The following MYO1E variants were observed in gnomAD, a reference collection of about 807,000 sequenced individuals.
MYO1E encodes the protein unconventional myosin-Ie.
MYO1E carries 68 observed loss-of-function variants against 151.1 expected under a neutral mutation model. The observed-to-expected ratio is 0.45, with a 90% CI of 0.37 to 0.55. The LOEUF (loss-of-function observed/expected upper bound fraction) is 0.55, where lower values mean the gene tolerates loss of function less well. MYO1E is among the 20% of genes least tolerant of loss of function. The probability of loss-of-function intolerance (pLI) is 0.00; values close to 1 mark genes in which losing one functional copy is unlikely to be tolerated. For synonymous variants in MYO1E, 601 were observed against 501.7 expected (o/e 1.20, Z -2.64); for missense variants, 1,363 against 1,389.3 (o/e 0.98, Z 0.30).
chr15:59,296,442 T>C (rs2080448695), intron 1 of MYO1E, among the ~76,000 whole-genome samples: 1 of 152,244 alleles, frequency 6.6e-6, no homozygotes, highest in Admixed American at 6.5e-5. Context: ...TTACTGTTGC[T>C]GAGAAAATTC....
intron 9 of MYO1E, 37 bp downstream of exon 9, chr15:59,223,022 A>G: frequency 6.2e-7 from 1 of 1,612,424 alleles, no homozygotes; most frequent in Non-Finnish European, 8.5e-7. Context: ...AGAGCTAGCC[A>G]CCCCTCATTC....
intron 5 of MYO1E, among the ~76,000 whole-genome samples, chr15:59,234,259 T>C (rs1392129852): frequency 1.3e-5 from 2 of 151,616 alleles, no homozygotes; most frequent in Non-Finnish European, 2.9e-5. Flanking sequence ...CATGGATGGA[T>C]GGGTGCATGG....
At chr15:59,360,654 C>A (rs543221632) in intron 1 of MYO1E, among the ~76,000 whole-genome samples, 7 of 152,202 alleles carry the variant, frequency 4.6e-5, no homozygotes, top group Non-Finnish European at 1.5e-5. Context: ...TTTCCCCCAA[C>A]AAAAGACAGC....
intron 26 of MYO1E, among the ~76,000 whole-genome samples, chr15:59,148,406 A>G (rs879706681): frequency 7.2e-5 from 11 of 152,208 alleles, no homozygotes; most frequent in Non-Finnish European, 1.6e-4. Flanking sequence ...CGGGGGAGCT[A>G]GGATTAAGCT....
At chr15:59,256,659 C>T (rs944728113) in intron 3 of MYO1E, among the ~76,000 whole-genome samples, 5 of 152,120 alleles carry the variant, frequency 3.3e-5, no homozygotes, top group Admixed American at 1.3e-4. Flanking sequence ...GGATGTGCCC[C>T]GTGTCTTTAG....
chr15:59,220,350 G>C (rs1486049453), intron 9 of MYO1E, among the ~76,000 whole-genome samples: 1 of 152,234 alleles, frequency 6.6e-6, no homozygotes, highest in African/African-American at 2.4e-5. Context: ...TTGGGAGGCT[G>C]AGACAGGAGA....
At chr15:59,209,346 A>G (rs901128118) in intron 13 of MYO1E, among the ~76,000 whole-genome samples, 13 of 152,116 alleles carry the variant, frequency 8.5e-5, no homozygotes, top group Admixed American at 3.3e-4. Context: ...TTTAATGGCT[A>G]TACTTCTCTG....
At chr15:59,198,389 T>C (rs1260750710) in intron 16 of MYO1E, among the ~76,000 whole-genome samples, 1 of 152,196 alleles carries the variant, frequency 6.6e-6, no homozygotes, top group African/African-American at 2.4e-5. Flanking sequence ...TGACTGTGGG[T>C]CCTGGCACTT....
intron 1 of MYO1E, among the ~76,000 whole-genome samples, chr15:59,331,982 G>A (rs2080701005): frequency 6.6e-6 from 1 of 152,206 alleles, no homozygotes; most frequent in African/African-American, 2.4e-5. Flanking sequence ...GCTACTACAA[G>A]TGGAATGAAG....
intron 1 of MYO1E, among the ~76,000 whole-genome samples, chr15:59,335,965 CAAA>C (rs2080725901): frequency 6.8e-6 from 1 of 147,340 alleles, no homozygotes; most frequent in South Asian, 2.1e-4. Context: ...TCTGGTCACA[CAAA>C]AAAACAAGTC....
chr15:59,372,563 G>C lies in MYO1E; in HGVS notation c.-63C>G. 6.5e-7 allele frequency: 1 copy of C among 1,530,574 alleles called. No homozygotes were observed. Among genetic ancestry groups the C allele is most frequent in the Non-Finnish European group, 8.8e-7 (1 of 1,138,458 alleles). The allele number at this position is 1,530,574 out of a possible 1,614,324, so 94.8% of individuals were successfully genotyped here. A position where few individuals can be genotyped will look rare whatever the true frequency, so the allele number is the denominator to read the frequency against. ...GCTGCCGGGGAACTGGGGCTGGAAC[G>C]CAGTCTTCTGGGCGAACTTCAAAAG... On this transcript the variant is annotated 5_prime_UTR_variant, in exon 1 of 28. Transcript: ENST00000288235.
intron 1 of MYO1E, among the ~76,000 whole-genome samples, chr15:59,295,254 GA>G (rs1289711099): frequency 6.6e-6 from 1 of 151,412 alleles, no homozygotes; most frequent in Admixed American, 6.6e-5. Context: ...GAGAGAGGAG[GA>G]AAAAAAAGGC....
chr15:59,178,273 A>G, intron 19 of MYO1E, 120 bp downstream of exon 19: 1 of 1,289,296 alleles, frequency 7.8e-7, no homozygotes, highest in South Asian at 1.4e-5. Context: ...GGCTTCTTTG[A>G]GGAGACAACA....
chr15:59,238,235 T>C (rs910851962), intron 4 of MYO1E, among the ~76,000 whole-genome samples: 1 of 152,226 alleles, frequency 6.6e-6, no homozygotes, highest in Admixed American at 6.5e-5. Context: ...ATGATGTATT[T>C]ACTAGATCCA....
chr15:59,333,401 C>A (rs763525997), intron 1 of MYO1E, among the ~76,000 whole-genome samples: 1 of 152,204 alleles, frequency 6.6e-6, no homozygotes, highest in South Asian at 2.1e-4. Flanking sequence ...CACCACCGCG[C>A]CTGGGTAATT....
In MYO1E at chr15:59,202,406, G is replaced by C. The variant is rs372880204; in HGVS notation, c.1618C>G (p.Pro540Ala). ...LIELMQSSELPFIKSLFPENL... is the reference protein window; with the variant it reads ...LIELMQSSELAFIKSLFPENL... ...TCCGGAAATAAAGACTTTATGAAAG[G>C]CCTGGAAAAGGAGAAAGAGAATGAA... The change falls in exon 16 of 28, where the codon CCT (proline) becomes GCT (alanine). Residue 540 changes from proline to alanine, a missense_variant and splice_region_variant. Pro to Ala is a conservative substitution (Grantham distance 27). Coordinates refer to ENST00000288235, the MANE Select transcript of MYO1E (RefSeq NM_004998.4). 3 of 1,613,230 alleles carry C rather than the reference G, an allele frequency of 1.9e-6. No homozygotes were observed. In the African/African-American group the frequency reaches 4.0e-5, roughly 22 times the overall value.
At chr15:59,241,598 G>A (rs2080099978) in intron 4 of MYO1E, among the ~76,000 whole-genome samples, 1 of 152,148 alleles carries the variant, frequency 6.6e-6, no homozygotes, top group Non-Finnish European at 1.5e-5. Flanking sequence ...AGCTGCTCAA[G>A]AGATCCGAGG....
At chr15:59,202,175 T>G in intron 16 of MYO1E, 151 bp downstream of exon 16, 2 of 691,764 alleles carry the variant, frequency 2.9e-6, no homozygotes, top group Middle Eastern at 3.5e-4. Context: ...TCCTGGAACC[T>G]TGTAACAAGC....
At chr15:59,345,473 A>C (rs1194218258) in intron 1 of MYO1E, among the ~76,000 whole-genome samples, 1 of 152,198 alleles carries the variant, frequency 6.6e-6, no homozygotes, top group African/African-American at 2.4e-5. Flanking sequence ...ACACTCAGCT[A>C]ATTAAAAAAA....
Sources: gnomAD v4.1 joint callset for allele counts (sites outside exome capture counted in the v4.1 genomes callset) on GRCh38, gnomAD v4.1.1 for gene constraint, MANE v1.5 for transcripts, NCBI Gene and HGNC (gene_info 2026-07-23, HGNC 2026-07-21) for gene names.